The following IP6K1 variants were observed in gnomAD, a reference collection of about 807,000 sequenced individuals.
The protein encoded by IP6K1 is inositol hexakisphosphate kinase 1.
In IP6K1, 13 loss-of-function variants were observed where a neutral mutation model predicts 38.3. That is an observed-to-expected ratio of 0.34 (90% CI 0.22 to 0.54). IP6K1 has a LOEUF of 0.54. Among genes scored for constraint, IP6K1 ranks in the 20% least tolerant of loss-of-function variants. IP6K1 has a pLI of 0.92. For missense variants in IP6K1, 397 were observed against 599.8 expected, an observed-to-expected ratio of 0.66 and a Z score of 3.53; for synonymous variants, 212 against 229.9, an observed-to-expected ratio of 0.92 and a Z score of 0.70.
At chr3:49,752,003 A>ATT (rs1411047484) in intron 1 of IP6K1, among the ~76,000 whole-genome samples, 1 of 152,018 alleles carries the variant, frequency 6.6e-6, no homozygotes, top group Admixed American at 6.6e-5. Flanking sequence ...ATGAAATGTA[A>ATT]TTTTTTGTTG....
In IP6K1 at chr3:49,727,281, A is replaced by C; in HGVS notation, c.1167T>G (p.Ser389=). The part of the protein sequence containing the change: ...SNTSPEAGPS[S]QPKVDVRMID... Reference sequence around the variant, plus strand: ...TCATGCGGACATCCACCTTGGGCTGAGAGGAGGGACCCGCCTCGGGGCTGG... The same window carrying C: ...TCATGCGGACATCCACCTTGGGCTGCGAGGAGGGACCCGCCTCGGGGCTGG... Residue 389 remains serine (S), a synonymous_variant, in exon 6 of 6, where the codon TCT becomes TCG. Transcript: ENST00000321599. This position sits in a 1 kb window ranked among gnomAD's most constrained non-coding sequence, Gnocchi z 5.9. 1 of 1,614,148 alleles carries C rather than the reference A, an allele frequency of 6.2e-7. No individual in the cohort carries two copies. The highest frequency in any genetic ancestry group is 8.5e-7 in the Non-Finnish European group (1 of 1,180,028).
chr3:49,747,764 A>G, intron 2 of IP6K1, 54 bp downstream of exon 2: 2 of 1,606,026 alleles, frequency 1.2e-6, no homozygotes, highest in Admixed American at 3.4e-5. Flanking sequence ...AAACTGTGGC[A>G]AGGGGTCTAT....
At chr3:49,774,228 A>G (rs540903978) in intron 1 of IP6K1, among the ~76,000 whole-genome samples, 1 of 152,012 alleles carries the variant, frequency 6.6e-6, no homozygotes, top group Admixed American at 6.6e-5. Flanking sequence ...AACATGGTGA[A>G]ACCCCATCTC....
intron 3 of IP6K1, among the ~76,000 whole-genome samples, chr3:49,736,850 C>T (rs530117966): frequency 2.5e-4 from 37 of 149,212 alleles, no homozygotes; most frequent in Non-Finnish European, 4.4e-4. Context: ...CGGCTCACTA[C>T]AAGCTCCGCC....
Position 49,728,258 on chromosome 3 carries a change from C to T in IP6K1, c.637G>A (p.Val213Met), listed in dbSNP as rs2080527477. 4.3e-6 allele frequency: 7 copies of T among 1,613,396 alleles called. No individual in the cohort carries two copies. Among genetic ancestry groups the T allele is most frequent in the African/African-American group, 1.3e-5 (1 of 74,906 alleles). The stretch of plus-strand genomic sequence containing the variant: ...CAGGGGTACTTGAAGTGGTGCACCA[C>T]GTTCTCAAGCAGGAGGAACTCTGGG... ...KLYKFLLLEN[V>M]VHHFKYPCVL... The change falls in exon 5 of 6, where the codon GTG becomes ATG. Residue 213 changes from valine to methionine, a missense_variant. By Grantham distance (21) the Val-to-Met change is conservative. Transcript: ENST00000321599.
chr3:49,752,253 C>T (rs182614800), intron 1 of IP6K1, among the ~76,000 whole-genome samples: 83 of 152,134 alleles, frequency 5.5e-4, no homozygotes, highest in Non-Finnish European at 1.0e-3. Flanking sequence ...TTTGGGAAGC[C>T]AAAGCGGGTG....
chr3:49,767,948 A>C (rs750207199), intron 1 of IP6K1, among the ~76,000 whole-genome samples: 6 of 152,164 alleles, frequency 3.9e-5, no homozygotes, highest in Non-Finnish European at 8.8e-5. Context: ...ATGGCCAAAA[A>C]ATATGCAAAA....
chr3:49,744,600 C>T (rs1331780707), intron 2 of IP6K1, among the ~76,000 whole-genome samples: 1 of 152,036 alleles, frequency 6.6e-6, no homozygotes, highest in Non-Finnish European at 1.5e-5. Context: ...CTATCTGTCA[C>T]CATAAGATGT....
intron 2 of IP6K1, among the ~76,000 whole-genome samples, chr3:49,744,899 C>T (rs1284146230): frequency 6.6e-6 from 1 of 152,176 alleles, no homozygotes; most frequent in Non-Finnish European, 1.5e-5. Context: ...TATTTCATAT[C>T]TTGGCAGGTT....
intron 1 of IP6K1, among the ~76,000 whole-genome samples, chr3:49,782,981 G>A (rs577309984): frequency 2.6e-5 from 4 of 151,062 alleles, no homozygotes; most frequent in South Asian, 2.1e-4. Flanking sequence ...TTAGCCAGGC[G>A]TGCTGGCGCA....
At chr3:49,767,680 T>C (rs992483231) in intron 1 of IP6K1, among the ~76,000 whole-genome samples, 1 of 152,080 alleles carries the variant, frequency 6.6e-6, no homozygotes, top group Admixed American at 6.6e-5. Context: ...CTGATGCAGG[T>C]GGATCACTTA....
At chr3:49,752,500 A>AC (rs200144259) in intron 1 of IP6K1, among the ~76,000 whole-genome samples, 1 of 149,230 alleles carries the variant, frequency 6.7e-6, no homozygotes, top group Non-Finnish European at 1.5e-5. Flanking sequence ...AAAAAAAAAA[A>AC]CCCAAGGAAC....
chr3:49,785,597 CCTA>C (rs2081106390), intron 1 of IP6K1: 2 of 152,228 alleles, frequency 1.3e-5, no homozygotes, highest in Non-Finnish European at 2.9e-5. Flanking sequence ...CTAAGACACT[CCTA>C]CGTTTCCTTT....
intron 1 of IP6K1, among the ~76,000 whole-genome samples, chr3:49,749,522 A>G (rs1036398039): frequency 3.1e-4 from 47 of 152,256 alleles, no homozygotes; most frequent in African/African-American, 1.1e-3. Flanking sequence ...ATATGGTCCC[A>G]TATGTAAGAG....
At chr3:49,781,779 C>G (rs1220587910) in intron 1 of IP6K1, among the ~76,000 whole-genome samples, 1 of 152,052 alleles carries the variant, frequency 6.6e-6, no homozygotes, top group African/African-American at 2.4e-5. Flanking sequence ...GTAGTCTGTA[C>G]AGTGTGAAAA....
intron 3 of IP6K1, among the ~76,000 whole-genome samples, chr3:49,737,148 G>T (rs1490986908): frequency 6.7e-6 from 1 of 149,440 alleles, no homozygotes; most frequent in African/African-American, 2.5e-5. Context: ...TGGCCTCAAA[G>T]GATCCTCCCA....
At chr3:49,766,895 G>A (rs757967732) in intron 1 of IP6K1, among the ~76,000 whole-genome samples, 4 of 144,940 alleles carry the variant, frequency 2.8e-5, no homozygotes, top group Non-Finnish European at 6.0e-5. Flanking sequence ...AACCCTGGAG[G>A]CAGAGGTTGC....
At chr3:49,740,225 A>ATCCTTTTTTTTTTTTTTTTTT (rs1553693842) in intron 2 of IP6K1, among the ~76,000 whole-genome samples, 1 of 130,816 alleles carries the variant, frequency 7.6e-6, no homozygotes. Flanking sequence ...AAAATTTGCA[A>ATCCTTTTTTTTTTTTTTTTTT]TTCTTTTTTT....
chr3:49,727,437 G>A lies in IP6K1; in HGVS notation c.1011C>T (p.Val337=). 6.2e-7 allele frequency: 1 copy of A among 1,614,074 alleles called. No individual in the cohort carries two copies. Residue 337 remains valine, a synonymous_variant, in exon 6 of 6, where the codon GTC becomes GTT. Coordinates refer to ENST00000321599, the MANE Select transcript of IP6K1 (RefSeq NM_153273.4). The surrounding 1 kb of genome is among the most constrained non-coding windows in gnomAD (Gnocchi z 5.9). ...SYRFYSSSLL[V]IYDGKECRAE... is the part of the protein sequence containing the mutation. ...CCCGGCACTCCTTGCCATCATAGAT[G>A]ACAAGCAGGGAACTGGAGTAGAAGC...
Sources: gnomAD v4.1 joint callset for allele counts (sites outside exome capture counted in the v4.1 genomes callset) on GRCh38, gnomAD v4.1.1 for gene constraint, Gnocchi (gnomAD v3.1) non-coding constraint, MANE v1.5 for transcripts, NCBI Gene and HGNC (gene_info 2026-07-23, HGNC 2026-07-21) for gene names.